The following ADAMTSL1 variants were observed in gnomAD, a reference collection of about 807,000 sequenced individuals.
ADAMTSL1 encodes ADAMTS-like protein 1.
Under a neutral mutation model 201.8 loss-of-function variants are expected in ADAMTSL1, and 126 were observed. That is an observed-to-expected ratio of 0.62 (90% confidence interval 0.54 to 0.72). The LOEUF (loss-of-function observed/expected upper bound fraction) is 0.72, where lower values mean the gene tolerates loss of function less well. ADAMTSL1 is among the 30% of genes least tolerant of loss of function. The pLI is 0.00. For synonymous variants in ADAMTSL1, 1,121 were observed against 903.4 expected, an observed-to-expected ratio of 1.24 and a Z score of -4.32; for missense variants, 2,679 against 2,277.8, an observed-to-expected ratio of 1.18 and a Z score of -3.59.
At chr9:18,878,533 C>A (rs1828316736) in intron 23 of ADAMTSL1, among the ~76,000 whole-genome samples, 1 of 152,204 alleles carries the variant, frequency 6.6e-6, no homozygotes, top group Non-Finnish European at 1.5e-5. Context: ...CTGGTAAGGT[C>A]AAATCCTTCT....
chr9:18,758,053 A>C, intron 16 of ADAMTSL1, among the ~76,000 whole-genome samples: 1 of 152,222 alleles, frequency 6.6e-6, no homozygotes, highest in East Asian at 1.9e-4. Context: ...AACCTGAAGT[A>C]TTGTGAGCTT....
At chr9:18,316,907 C>T (rs890213491) in intron 2 of ADAMTSL1, among the ~76,000 whole-genome samples, 2 of 152,118 alleles carry the variant, frequency 1.3e-5, no homozygotes, top group African/African-American at 2.4e-5. Context: ...AAAACAGTAT[C>T]TCAAAGGGAT....
chr9:18,366,545 T>C (rs1022145565), intron 2 of ADAMTSL1, among the ~76,000 whole-genome samples: 26 of 151,972 alleles, frequency 1.7e-4, no homozygotes, highest in African/African-American at 6.3e-4. Context: ...TCAGCCTGTA[T>C]ATTCATTGTG....
chr9:18,699,954 T>A (rs1456913269), intron 13 of ADAMTSL1, among the ~76,000 whole-genome samples: 1 of 152,200 alleles, frequency 6.6e-6, no homozygotes, highest in Non-Finnish European at 1.5e-5. Context: ...CAATATGAGT[T>A]GCATAACTAG....
intron 2 of ADAMTSL1, among the ~76,000 whole-genome samples, chr9:18,512,226 A>G (rs559358066): frequency 6.6e-6 from 1 of 152,280 alleles, no homozygotes; most frequent in East Asian, 1.9e-4. Flanking sequence ...CAGGTCATAT[A>G]TCTTAGGGGG....
chr9:18,117,139 T>G (rs12378678), intron 1 of ADAMTSL1, among the ~76,000 whole-genome samples: 1 of 152,010 alleles, frequency 6.6e-6, no homozygotes, highest in Admixed American at 6.6e-5. Flanking sequence ...TGAACCACCA[T>G]CTTCTCCTAT....
intron 21 of ADAMTSL1, 56 bp downstream of exon 21, chr9:18,817,293 G>A: frequency 6.6e-7 from 1 of 1,511,208 alleles, no homozygotes; most frequent in South Asian, 1.3e-5. Flanking sequence ...GCTAGGTTGG[G>A]GATACAAAGA....
chr9:18,162,765 A>T (rs1827451713), intron 1 of ADAMTSL1, among the ~76,000 whole-genome samples: 1 of 152,044 alleles, frequency 6.6e-6, no homozygotes, highest in African/African-American at 2.4e-5. Context: ...TGCAAAATGT[A>T]TGAGAGTTAA....
intron 1 of ADAMTSL1, 92 bp from the exon 2 acceptor site, chr9:18,504,737 G>T: frequency 6.4e-7 from 1 of 1,568,852 alleles, no homozygotes; most frequent in Non-Finnish European, 8.8e-7. Flanking sequence ...AAGCCACCAT[G>T]TACACACACG....
intron 3 of ADAMTSL1, 106 bp from the exon 4 acceptor site, chr9:18,573,924 A>G (rs1354139157): frequency 3.7e-6 from 3 of 802,956 alleles, no homozygotes; most frequent in African/African-American, 3.4e-5. Context: ...TGACCAGGAC[A>G]TTTGTTTTGC....
chr9:18,425,801 A>C (rs1016680339), intron 2 of ADAMTSL1, among the ~76,000 whole-genome samples: 1 of 149,930 alleles, frequency 6.7e-6, no homozygotes, highest in East Asian at 2.0e-4. Context: ...GGCTGCAATG[A>C]ACCATGGTCA....
chr9:18,215,926 T>C (rs1830040418), intron 2 of ADAMTSL1, among the ~76,000 whole-genome samples: 1 of 152,182 alleles, frequency 6.6e-6, no homozygotes, highest in South Asian at 2.1e-4. Flanking sequence ...TTGTCTTCTT[T>C]CCAACCAAGA....
intron 2 of ADAMTSL1, among the ~76,000 whole-genome samples, chr9:18,196,640 C>G (rs1425458946): frequency 6.6e-6 from 1 of 152,068 alleles, no homozygotes. Context: ...CATCTATACT[C>G]AACTTTTCAA....
At chr9:18,698,499 T>C in intron 13 of ADAMTSL1, among the ~76,000 whole-genome samples, 1 of 152,030 alleles carries the variant, frequency 6.6e-6, no homozygotes, top group East Asian at 1.9e-4. Flanking sequence ...TTGGCCAGGC[T>C]GGTCTTGAAC....
intron 1 of ADAMTSL1, among the ~76,000 whole-genome samples, chr9:18,012,895 T>C (rs1439021379): frequency 2.0e-5 from 3 of 152,028 alleles, no homozygotes; most frequent in Non-Finnish European, 2.9e-5. Context: ...AGTAATGGCA[T>C]TTGTAGAAAA....
At chr9:17,908,786 C>A (rs935267148) in intron 1 of ADAMTSL1, among the ~76,000 whole-genome samples, 2 of 152,090 alleles carry the variant, frequency 1.3e-5, no homozygotes, top group Admixed American at 6.5e-5. Context: ...GAATCATGGC[C>A]CCATGTGTCT....
At chr9:18,304,831 C>T (rs557195737) in intron 2 of ADAMTSL1, among the ~76,000 whole-genome samples, 4 of 152,226 alleles carry the variant, frequency 2.6e-5, no homozygotes, top group African/African-American at 9.6e-5. Context: ...AAAGTTTTTA[C>T]TATAAACTAT....
At chr9:18,335,066 G>C (rs1168624690) in intron 2 of ADAMTSL1, among the ~76,000 whole-genome samples, 2 of 152,036 alleles carry the variant, frequency 1.3e-5, no homozygotes, top group South Asian at 2.1e-4. Context: ...GGTTACGTAA[G>C]GCATTATGAA....
chr9:17,965,464 C>G (rs984758986), intron 1 of ADAMTSL1, among the ~76,000 whole-genome samples: 1 of 152,088 alleles, frequency 6.6e-6, no homozygotes, highest in Admixed American at 6.6e-5. Flanking sequence ...AGTATTCCAT[C>G]TATGTTAATT....
Sources: allele counts gnomAD v4.1 joint callset (sites outside exome capture counted in the v4.1 genomes callset), GRCh38; gene constraint gnomAD v4.1.1; transcripts MANE v1.5; gene names NCBI Gene and HGNC (gene_info 2026-07-23, HGNC 2026-07-21).